LPAR6: variants seen among roughly 807,000 people sequenced by gnomAD.
LPAR6 encodes lysophosphatidic acid receptor 6.
Under a neutral mutation model 22.0 loss-of-function variants are expected in LPAR6, and 17 were observed. The observed-to-expected ratio is 0.77, with a 90% CI of 0.53 to 1.16. The LOEUF (loss-of-function observed/expected upper bound fraction) is 1.16, where lower values mean the gene tolerates loss of function less well. Ranked by LOEUF, LPAR6 falls within the 50% of genes most tolerant of loss-of-function variation. The probability of loss-of-function intolerance (pLI) is 0.00; values close to 1 mark genes in which losing one functional copy is unlikely to be tolerated. For synonymous variants in LPAR6, 136 were observed against 139.8 expected (o/e 0.97, Z 0.19); for missense variants, 384 against 406.9 (o/e 0.94, Z 0.48).
At chr13:48,414,829 G>C (rs17071695), upstream of LPAR6, among the ~76,000 whole-genome samples, 3,647 of 152,044 alleles carry the variant, frequency 0.024, 148 homozygotes, top group African/African-American at 0.083. Context: ...AATTTTGAAG[G>C]GTTGAATATC....
At chr13:48,420,743 A>G (rs1185793215) in intron 2 of LPAR6, among the ~76,000 whole-genome samples, 1 of 152,184 alleles carries the variant, frequency 6.6e-6, no homozygotes, top group Non-Finnish European at 1.5e-5. Context: ...TACAACAATA[A>G]TAGACAAACA....
chr13:48,413,528 G>A (rs933666367), upstream of LPAR6, among the ~76,000 whole-genome samples: 2 of 152,156 alleles, frequency 1.3e-5, no homozygotes, highest in African/African-American at 2.4e-5. Context: ...TCAAAGAACT[G>A]TTTAATGACT....
At chr13:48,394,771 A>T (rs1343718476) in intron 1 of LPAR6, among the ~76,000 whole-genome samples, 1 of 152,234 alleles carries the variant, frequency 6.6e-6, no homozygotes, top group Non-Finnish European at 1.5e-5. Flanking sequence ...TAAAACTCCC[A>T]TCTACCTGGG....
At chr13:48,428,453 C>A (rs183921624), upstream of LPAR6, among the ~76,000 whole-genome samples, 107 of 151,390 alleles carry the variant, frequency 7.1e-4, no homozygotes, top group African/African-American at 2.5e-3. Context: ...TTCTACCAAA[C>A]CTCACCTCCA....
At chr13:48,390,681 AATTT>A (rs1948604717) in intron 1 of LPAR6, among the ~76,000 whole-genome samples, 1 of 152,164 alleles carries the variant, frequency 6.6e-6, no homozygotes, top group Non-Finnish European at 1.5e-5. Context: ...TCCTTTGATG[AATTT>A]ACCTCTTTAA....
Position 48,412,648 on chromosome 13 carries a change from G to A in LPAR6, c.-225C>T. 1 of 574,286 alleles carries A rather than the reference G, an allele frequency of 1.7e-6. No homozygotes were observed. The highest frequency in any genetic ancestry group is 3.2e-6 in the Non-Finnish European group (1 of 314,242). The allele number at this position is 574,286 out of a possible 1,614,324, so 35.6% of individuals were successfully genotyped here. ...CTTCAACAGGAAAATATTTTCATTT[G>A]TTAGTCTTTAGAAAATCCATGAATT... On this transcript the variant is annotated 5_prime_UTR_variant, in exon 1 of 1. Transcript: ENST00000620633.
exon 1 of LPAR6, chr13:48,426,901 C>T (rs1386283637): frequency 6.6e-6 from 1 of 152,320 alleles, no homozygotes; most frequent in Non-Finnish European, 1.5e-5. Context: ...AGCTTCTCCT[C>T]AGCTTCTGGT....
intron 1 of LPAR6, among the ~76,000 whole-genome samples, chr13:48,443,596 G>A (rs1302622043): frequency 6.6e-6 from 1 of 152,144 alleles, no homozygotes; most frequent in Non-Finnish European, 1.5e-5. Context: ...TCATTCTTGT[G>A]TAAGGAAACC....
intron 1 of LPAR6, chr13:48,404,105 G>A (rs1948717729): frequency 6.6e-6 from 1 of 152,198 alleles, no homozygotes; most frequent in Non-Finnish European, 1.5e-5. Flanking sequence ...TTAGGCTGAA[G>A]CCCCATGCTG....
rs147510592 is a variant in LPAR6, at chr13:48,395,379, T to C, written n.115-5567A>G. ...ACAACTCCTCCCCAGCAAGGGGAGTTTGACGAATTGACAGAAGTAGGCTTC... is the reference window on the plus strand; with the variant it reads ...ACAACTCCTCCCCAGCAAGGGGAGTCTGACGAATTGACAGAAGTAGGCTTC... On this transcript the variant is annotated intron_variant and non_coding_transcript_variant, in intron 1 of 1. Coordinates refer to the LPAR6 transcript ENST00000462781. Among the ~76,000 whole-genome samples, 59 of 151,914 alleles carry C rather than the reference T, an allele frequency of 3.9e-4. No homozygotes were observed. In the East Asian group the frequency reaches 5.0e-3, roughly 13 times the overall value.
chr13:48,436,599 C>T (rs1482572931), intron 1 of LPAR6, among the ~76,000 whole-genome samples: 2 of 151,858 alleles, frequency 1.3e-5, no homozygotes, highest in African/African-American at 4.8e-5. Flanking sequence ...GCCAAGATTG[C>T]ACCACTGCAC....
chr13:48,413,667 C>T (rs569627024), upstream of LPAR6, among the ~76,000 whole-genome samples: 1 of 152,190 alleles, frequency 6.6e-6, no homozygotes, highest in East Asian at 1.9e-4. Flanking sequence ...TTTTGATAAG[C>T]AATTTTCTAA....
chr13:48,434,255 T>C (rs922830881), intron 1 of LPAR6, among the ~76,000 whole-genome samples: 1 of 151,886 alleles, frequency 6.6e-6, no homozygotes, highest in African/African-American at 2.4e-5. Context: ...GAGAACGGCC[T>C]GGACAACATA....
At chr13:48,405,672 G>C (rs149177281) in intron 1 of LPAR6, among the ~76,000 whole-genome samples, 259 of 152,274 alleles carry the variant, frequency 1.7e-3, no homozygotes, top group African/African-American at 5.8e-3. Context: ...TGAGAAGAAA[G>C]TTTGTCAATA....
intron 2 of LPAR6, among the ~76,000 whole-genome samples, chr13:48,421,348 C>A (rs1949002603): frequency 6.6e-6 from 1 of 152,100 alleles, no homozygotes; most frequent in Admixed American, 6.5e-5. Flanking sequence ...CTTTCTTACA[C>A]CTTATACAAA....
chr13:48,394,911 T>G (rs556023664), intron 1 of LPAR6, among the ~76,000 whole-genome samples: 1 of 152,188 alleles, frequency 6.6e-6, no homozygotes, highest in Non-Finnish European at 1.5e-5. Context: ...GGACAGACTG[T>G]CTCCTCAAGT....
intron 2 of LPAR6, among the ~76,000 whole-genome samples, chr13:48,421,834 G>A (rs7984036): frequency 0.045 from 6,887 of 152,222 alleles, 526 homozygotes; most frequent in African/African-American, 0.15. Context: ...TCTCATGGCC[G>A]TTAGAATGGC....
At chr13:48,409,951 T>C (rs1319729824), downstream of LPAR6, among the ~76,000 whole-genome samples, 2 of 152,200 alleles carry the variant, frequency 1.3e-5, no homozygotes, top group Admixed American at 1.3e-4. Context: ...TTTTCTAAAG[T>C]ATACCTCAGA....
intron 1 of LPAR6, among the ~76,000 whole-genome samples, chr13:48,441,916 T>G (rs563029539): frequency 1.3e-5 from 2 of 152,174 alleles, no homozygotes; most frequent in African/African-American, 2.4e-5. Flanking sequence ...TTTTAACTTA[T>G]TCACAAATCT....
Sources: allele counts gnomAD v4.1 joint callset (sites outside exome capture counted in the v4.1 genomes callset), GRCh38; gene constraint gnomAD v4.1.1; transcripts MANE v1.5; gene names NCBI Gene and HGNC (gene_info 2026-07-23, HGNC 2026-07-21).